Variants in TBC1D2B observed in about 807,000 individuals in gnomAD.
TBC1D2B encodes TBC1 domain family member 2B.
Under a neutral mutation model 100.8 loss-of-function variants are expected in TBC1D2B, and 64 were observed. That is an observed-to-expected ratio of 0.64 (90% CI 0.52 to 0.78). The LOEUF (loss-of-function observed/expected upper bound fraction) is 0.78. Among genes scored for constraint, TBC1D2B ranks in the 30% least tolerant of loss-of-function variants. TBC1D2B has a pLI of 0.00. For synonymous variants in TBC1D2B, 480 were observed against 479.7 expected (o/e 1.00, Z -0.01); for missense variants, 1,052 against 1,218.4 (o/e 0.86, Z 2.03).
intron 12 of TBC1D2B, among the ~76,000 whole-genome samples, chr15:78,000,291 A>AG (rs1390927056): frequency 2.0e-5 from 3 of 152,204 alleles, no homozygotes; most frequent in African/African-American, 4.8e-5. Context: ...GTGCCAGGGA[A>AG]GGGCGGGCAC....
Position 78,025,260 on chromosome 15 carries a change from T to C in TBC1D2B, c.1085A>G (p.Lys362Arg), listed in dbSNP as rs143291493. The C allele has an allele frequency of 3.7e-6, 6 of 1,612,826 alleles. No individual in the cohort carries two copies. In the African/African-American group the frequency reaches 6.7e-5, roughly 18 times the overall value. Residue 362 changes from lysine to arginine, a missense_variant and splice_region_variant, in exon 5 of 13, where the codon AAG becomes AGG. Lys to Arg is a conservative substitution (Grantham distance 26). This residue lies in a region of TBC1D2B where 627 missense variants were observed against 646.1 expected (regional missense o/e 0.97). Transcript: ENST00000300584. ...EQLKKDLSSQ[K>R]ELVRLLQQTV... Reference sequence around the variant, plus strand: ...ACAGAAGCCAGAAGAAGAAGTTACCTTCTGACTGGACAGGTCTTTCTTTAA... The same window carrying C: ...ACAGAAGCCAGAAGAAGAAGTTACCCTCTGACTGGACAGGTCTTTCTTTAA...
At chr15:78,045,755 G>A (rs2073181537) in intron 2 of TBC1D2B, among the ~76,000 whole-genome samples, 1 of 152,056 alleles carries the variant, frequency 6.6e-6, no homozygotes, top group Non-Finnish European at 1.5e-5. Flanking sequence ...ATTTGCTTCA[G>A]GTAACATGTT....
At chr15:77,998,547 G>T in intron 12 of TBC1D2B, 192 bp from the exon 13 acceptor site, 1 of 538,500 alleles carries the variant, frequency 1.9e-6, no homozygotes, top group Non-Finnish European at 3.2e-6. Flanking sequence ...GCCAGGGGCA[G>T]GCTCAGAATG....
intron 1 of TBC1D2B, among the ~76,000 whole-genome samples, chr15:78,075,614 C>G (rs1034206373): frequency 6.6e-6 from 1 of 152,224 alleles, no homozygotes; most frequent in African/African-American, 2.4e-5. Flanking sequence ...CGTATGTACA[C>G]TGAGGAAGAG....
intron 3 of TBC1D2B, among the ~76,000 whole-genome samples, chr15:78,037,103 G>A (rs1403542047): frequency 6.6e-6 from 1 of 152,134 alleles, no homozygotes; most frequent in Non-Finnish European, 1.5e-5. Context: ...TATTCTTACT[G>A]TAGAACTTTC....
At position 78,001,657 on chromosome 15, in the gene TBC1D2B, CTTAAATA is replaced by C; in HGVS notation, c.2651_2657del (p.Ile884SerfsTer16). On this transcript the variant is annotated frameshift_variant, in exon 12 of 13. Transcript: ENST00000300584. LOFTEE classifies it high-confidence loss of function. The stretch of plus-strand genomic sequence containing the variant: ...TAGTGCGAGTGAAGTAGCGGAGATA[CTTAAATA>C]TAGACATCGAATCTTGCAATTTCAA... 8 of 1,608,702 alleles carry C rather than the reference CTTAAATA, an allele frequency of 5.0e-6. No homozygotes were observed. Among genetic ancestry groups the C allele is most frequent in the Non-Finnish European group, 6.8e-6 (8 of 1,177,522 alleles).
chr15:77,996,868 C>G lies in TBC1D2B; in HGVS notation c.*1292G>C, dbSNP rs2071775162. On this transcript the variant is annotated 3_prime_UTR_variant, in exon 13 of 13. Coordinates refer to ENST00000300584, the MANE Select transcript of TBC1D2B (RefSeq NM_144572.2). ...ATAACACTGTGCCAGAAAACATCCTCTCACATCTACGCATCAGGGATGGTC... is the reference window on the plus strand; with the variant it reads ...ATAACACTGTGCCAGAAAACATCCTGTCACATCTACGCATCAGGGATGGTC... 6.6e-6 allele frequency: 1 copy of G among 152,250 alleles called. No homozygotes were observed. Among genetic ancestry groups the G allele is most frequent in the African/African-American group, 2.4e-5 (1 of 41,460 alleles). 9.4% of individuals were successfully genotyped at this position (152,250 alleles called of 1,614,324 possible).
chr15:78,013,060 C>T lies in TBC1D2B; in HGVS notation c.2033G>A (p.Arg678His), dbSNP rs764806059. 1.9e-5 allele frequency: 31 copies of T among 1,613,850 alleles called. No homozygotes were observed. Among genetic ancestry groups the T allele is most frequent in the African/African-American group, 5.3e-5 (4 of 74,916 alleles). Residue 678 changes from arginine to histidine, a missense_variant, in exon 9 of 13, where the codon CGT (arginine) becomes CAT (histidine). Transcript: ENST00000300584. ...GTTGTCCTTGAACTTCCTGGTGTGACGGTCCACACACCACTTCCACACCTT... is the reference window on the plus strand; with the variant it reads ...GTTGTCCTTGAACTTCCTGGTGTGATGGTCCACACACCACTTCCACACCTT... ...RSKVWKWCVD[R>H]HTRKFKDNTE...
In TBC1D2B at chr15:78,054,284, G is replaced by A. The variant is rs779638807; in HGVS notation, c.361-97C>T. Reference sequence around the variant, plus strand: ...ATGAGTAGACTGTTCAGCTTGCCATGTGAGAGTTAAGATGAACAGATCAAG... The same window carrying A: ...ATGAGTAGACTGTTCAGCTTGCCATATGAGAGTTAAGATGAACAGATCAAG... On this transcript the variant is annotated intron_variant, in intron 1 of 12. Transcript: ENST00000300584. 4 of 1,258,716 alleles carry A rather than the reference G, an allele frequency of 3.2e-6. No individual in the cohort carries two copies. The African/African-American group carries it at 6.2e-5, about 19-fold the overall frequency. 78.0% of individuals were successfully genotyped at this position (1,258,716 alleles called of 1,614,324 possible).
In TBC1D2B at chr15:78,067,402, T is replaced by C. The variant is rs1444068615; in HGVS notation, c.360+9891A>G. On this transcript the variant is annotated intron_variant, in intron 1 of 12. Transcript: ENST00000300584. ...TGACTCCTGCTCAACAAAGTCTGTTTGGTGAATGGCCAGTTGGCTGCATCC... is the reference window on the plus strand; with the variant it reads ...TGACTCCTGCTCAACAAAGTCTGTTCGGTGAATGGCCAGTTGGCTGCATCC... 4.6e-5 allele frequency among the ~76,000 whole-genome samples: 7 copies of C among 152,338 alleles called. No individual in the cohort carries two copies. In the East Asian group the frequency reaches 7.7e-4, roughly 17 times the overall value.
intron 1 of TBC1D2B, among the ~76,000 whole-genome samples, chr15:78,069,385 A>G (rs1011636856): frequency 5.3e-5 from 8 of 152,224 alleles, no homozygotes; most frequent in African/African-American, 1.9e-4. Flanking sequence ...AAACAAAATT[A>G]AGAAGCAACT....
chr15:78,072,759 G>A (rs145007921), intron 1 of TBC1D2B, among the ~76,000 whole-genome samples: 235 of 152,188 alleles, frequency 1.5e-3, no homozygotes, highest in African/African-American at 5.3e-3. Context: ...CTTCACCCTC[G>A]GTCAGTCACA....
rs191762492 is a variant in TBC1D2B at position 78,068,967 on chromosome 15, T to G, written c.360+8326A>C. Among the ~76,000 whole-genome samples the G allele has an allele frequency of 8.6e-5, 13 of 151,590 alleles. No homozygotes were observed. In the East Asian group the frequency reaches 2.5e-3, roughly 30 times the overall value. On this transcript the variant is annotated intron_variant, in intron 1 of 12. Coordinates refer to ENST00000300584, the MANE Select transcript of TBC1D2B (RefSeq NM_144572.2). The stretch of plus-strand genomic sequence containing the variant: ...CGAAAATTGCTAATGAAAATGCCTC[T>G]CCCTCTCCCAAACTGACAGTCACTT...
At chr15:78,002,827 G>C (rs1427901452) in intron 11 of TBC1D2B, 2 of 158,332 alleles carry the variant, frequency 1.3e-5, no homozygotes, top group Non-Finnish European at 2.8e-5. Context: ...ATACAATTAG[G>C]GTTTAATATG....
rs1249339664 is a variant in TBC1D2B, at chr15:78,020,179, G to A, written c.1471-2222C>T. 3.4e-4 allele frequency among the ~76,000 whole-genome samples: 52 copies of A among 152,136 alleles called. 1 individual carries two copies. The highest frequency in any genetic ancestry group is 3.1e-3 in the Admixed American group (48 of 15,264). On this transcript the variant is annotated intron_variant, in intron 6 of 12. Transcript: ENST00000300584. ...ATTACAGGTATGAGCTATTGCACCT[G>A]GCCAAAGGTCTCATATTTGGAAACA...
chr15:78,015,977 G>C (rs768946998), intron 8 of TBC1D2B, among the ~76,000 whole-genome samples: 18 of 152,184 alleles, frequency 1.2e-4, no homozygotes, highest in Non-Finnish European at 2.5e-4. Flanking sequence ...AGTAAGCAAG[G>C]CCTAGACACA....
chr15:78,026,778 G>A (rs541243032), intron 4 of TBC1D2B, among the ~76,000 whole-genome samples: 1 of 151,992 alleles, frequency 6.6e-6, no homozygotes, highest in South Asian at 2.1e-4. Context: ...GTGCATGCCT[G>A]TAATCCCAGC....
At chr15:78,030,237 A>T (rs781779778) in intron 3 of TBC1D2B, 67 bp from the exon 4 acceptor site, 2 of 1,391,218 alleles carry the variant, frequency 1.4e-6, no homozygotes, top group Non-Finnish European at 1.9e-6. Context: ...TCTCATGTAT[A>T]TAGGATTGGC....
chr15:78,009,231 T>A, intron 9 of TBC1D2B, 117 bp from the exon 10 acceptor site: 1 of 682,062 alleles, frequency 1.5e-6, no homozygotes, highest in Non-Finnish European at 2.5e-6. Context: ...TTATTTCTAG[T>A]TCTCCAATAA....
Sources: gnomAD v4.1 joint callset for allele counts (sites outside exome capture counted in the v4.1 genomes callset) on GRCh38, gnomAD v4.1.1 for gene constraint, gnomAD v4.1.1 regional missense constraint, MANE v1.5 for transcripts, NCBI Gene and HGNC (gene_info 2026-07-23, HGNC 2026-07-21) for gene names.